DLGAP1: variants seen among roughly 807,000 people sequenced by gnomAD.
The protein encoded by DLGAP1 is DLG associated protein 1.
In DLGAP1, 11 loss-of-function variants were observed where a neutral mutation model predicts 90.8. That is an observed-to-expected ratio of 0.12 (90% confidence interval 0.08 to 0.20). The LOEUF (loss-of-function observed/expected upper bound fraction) is 0.20, where lower values mean the gene tolerates loss of function less well. Ranked by LOEUF, DLGAP1 falls within the 10% of genes least tolerant of loss-of-function variation. The pLI is 1.00. For synonymous variants in DLGAP1, 558 were observed against 540.7 expected (o/e 1.03, Z -0.44); for missense variants, 1,050 against 1,333.8 (o/e 0.79, Z 3.31).
At chr18:3,670,148 G>A (rs1448674431) in intron 7 of DLGAP1, among the ~76,000 whole-genome samples, 1 of 152,176 alleles carries the variant, frequency 6.6e-6, no homozygotes, top group African/African-American at 2.4e-5. Flanking sequence ...GGAGTAAGAC[G>A]ATCGAAGTGA....
intron 2 of DLGAP1, among the ~76,000 whole-genome samples, chr18:4,141,373 T>C (rs1207789215): frequency 6.6e-6 from 1 of 151,970 alleles, no homozygotes; most frequent in Non-Finnish European, 1.5e-5. Context: ...TGAATTTGTT[T>C]ATAGCCCAAA....
chr18:4,300,673 GCA>G (rs60324737), intron 1 of DLGAP1, among the ~76,000 whole-genome samples: 4,371 of 152,132 alleles, frequency 0.029, 231 homozygotes, highest in African/African-American at 0.1. Context: ...TGTCTAGATG[GCA>G]CAGTGTCTTT....
chr18:4,111,403 G>T (rs1014050208), intron 2 of DLGAP1, among the ~76,000 whole-genome samples: 3 of 151,940 alleles, frequency 2.0e-5, no homozygotes, highest in Non-Finnish European at 2.9e-5. Flanking sequence ...TCTTTGCCTG[G>T]TTTTGATATT....
chr18:3,784,644 G>A (rs1248540870), intron 5 of DLGAP1, among the ~76,000 whole-genome samples: 2 of 152,172 alleles, frequency 1.3e-5, no homozygotes, highest in East Asian at 1.9e-4. Context: ...CTCCTGGGGT[G>A]CCCACACAGA....
At chr18:3,657,218 C>T (rs1242221698) in intron 7 of DLGAP1, among the ~76,000 whole-genome samples, 1 of 152,180 alleles carries the variant, frequency 6.6e-6, no homozygotes, top group Non-Finnish European at 1.5e-5. Flanking sequence ...CAGTTTCATT[C>T]GGTTGAAGTC....
intron 5 of DLGAP1, among the ~76,000 whole-genome samples, chr18:3,762,207 C>A (rs1317657243): frequency 2.0e-5 from 3 of 152,082 alleles, no homozygotes; most frequent in East Asian, 1.9e-4. Flanking sequence ...CATTGTATTG[C>A]CAAGATTAAG....
At chr18:4,388,652 A>T (rs535575135) in intron 1 of DLGAP1, among the ~76,000 whole-genome samples, 14 of 152,300 alleles carry the variant, frequency 9.2e-5, no homozygotes, top group African/African-American at 2.9e-4. Flanking sequence ...CACAGTCTTT[A>T]CAAACTTCAG....
chr18:3,729,409 T>G lies in DLGAP1; in HGVS notation c.1351-34A>C. 3.8e-6 allele frequency: 6 copies of G among 1,590,824 alleles called. No homozygotes were observed. Among genetic ancestry groups the G allele is most frequent in the Non-Finnish European group, 5.2e-6 (6 of 1,163,702 alleles). On this transcript the variant is annotated intron_variant, in intron 6 of 12. Coordinates refer to ENST00000315677, the MANE Select transcript of DLGAP1 (RefSeq NM_004746.4). This position sits in a 1 kb window ranked among gnomAD's most constrained non-coding sequence, Gnocchi z 6.2. ...AGACACAGGCGTTGTGACACTCGCC[T>G]CCACCTGGTGGAGGATCAACCTCTC...
intron 1 of DLGAP1, among the ~76,000 whole-genome samples, chr18:4,450,055 C>T (rs2083780940): frequency 6.6e-6 from 1 of 152,192 alleles, no homozygotes; most frequent in Non-Finnish European, 1.5e-5. Flanking sequence ...TTAATGTCTA[C>T]ACGAAAATAG....
intron 7 of DLGAP1, among the ~76,000 whole-genome samples, chr18:3,728,415 ATAT>A (rs982474110): frequency 1.1e-4 from 16 of 151,750 alleles, no homozygotes; most frequent in African/African-American, 3.9e-4. Context: ...GCCCACGGCT[ATAT>A]TATTATGCAG....
chr18:3,887,533 CAA>C (rs547195792), intron 3 of DLGAP1, among the ~76,000 whole-genome samples: 124 of 152,186 alleles, frequency 8.1e-4, no homozygotes. Context: ...AGGAGTATAC[CAA>C]GAGAGGAGGA....
chr18:4,035,088 T>C (rs900073726), intron 2 of DLGAP1, among the ~76,000 whole-genome samples: 1 of 152,216 alleles, frequency 6.6e-6, no homozygotes, highest in African/African-American at 2.4e-5. Context: ...GGATGGACAT[T>C]TGGGCTGGTT....
At chr18:3,678,807 A>G (rs1198587522) in intron 7 of DLGAP1, among the ~76,000 whole-genome samples, 1 of 152,184 alleles carries the variant, frequency 6.6e-6, no homozygotes, top group Non-Finnish European at 1.5e-5. Flanking sequence ...AGCTCCAGTA[A>G]AAGAAGGTGT....
At chr18:4,442,841 G>A (rs147886160) in intron 1 of DLGAP1, among the ~76,000 whole-genome samples, 155 of 152,158 alleles carry the variant, frequency 1.0e-3, no homozygotes, top group African/African-American at 3.4e-3. Flanking sequence ...TATTTTCTCC[G>A]ACTGGGACGT....
intron 3 of DLGAP1, among the ~76,000 whole-genome samples, chr18:3,886,828 C>T (rs771579854): frequency 4.6e-5 from 7 of 152,192 alleles, no homozygotes; most frequent in Non-Finnish European, 7.3e-5. Context: ...TAACTTGAAA[C>T]GGCATGTGTG....
intron 4 of DLGAP1, among the ~76,000 whole-genome samples, chr18:3,834,072 C>T (rs1295011780): frequency 4.6e-5 from 7 of 151,852 alleles, no homozygotes; most frequent in East Asian, 1.9e-4. Flanking sequence ...TTTGGGAGGC[C>T]GAGGCGGGTG....
chr18:3,610,052 C>CT, intron 7 of DLGAP1, among the ~76,000 whole-genome samples: 1 of 137,666 alleles, frequency 7.3e-6, no homozygotes, highest in East Asian at 2.1e-4. Context: ...GAGCAAAACT[C>CT]TGTCTCAAAA....
chr18:4,318,680 A>T (rs968666720), intron 1 of DLGAP1, among the ~76,000 whole-genome samples: 2 of 152,172 alleles, frequency 1.3e-5, no homozygotes, highest in South Asian at 4.1e-4. Flanking sequence ...TCTATTTGCA[A>T]CTTCATTAAG....
intron 2 of DLGAP1, among the ~76,000 whole-genome samples, chr18:4,073,268 C>T (rs2075476102): frequency 1.3e-5 from 2 of 152,234 alleles, no homozygotes; most frequent in South Asian, 4.1e-4. Context: ...TGAAAAAGAG[C>T]AGGGCTTCGT....
Sources: gnomAD v4.1 joint callset for allele counts (sites outside exome capture counted in the v4.1 genomes callset) on GRCh38, gnomAD v4.1.1 for gene constraint, Gnocchi (gnomAD v3.1) non-coding constraint, MANE v1.5 for transcripts, NCBI Gene and HGNC (gene_info 2026-07-23, HGNC 2026-07-21) for gene names.